The following RTRAF variants were observed in gnomAD, a reference collection of about 807,000 sequenced individuals.
The protein encoded by RTRAF is tRNA-splicing ligase complex subunit RTRAF.
A neutral mutation model predicts 34.4 loss-of-function variants in RTRAF; 14 were observed. The observed-to-expected ratio is 0.41, with a 90% CI of 0.27 to 0.64. The LOEUF (loss-of-function observed/expected upper bound fraction) is 0.64, where lower values mean the gene tolerates loss of function less well. Ranked by LOEUF, RTRAF falls within the 30% of genes least tolerant of loss-of-function variation. The pLI, the probability that RTRAF is intolerant of heterozygous loss-of-function variation, is 0.34. For synonymous variants in RTRAF, 96 were observed against 95.3 expected, an observed-to-expected ratio of 1.01 and a Z score of -0.04; for missense variants, 291 against 288.4, an observed-to-expected ratio of 1.01 and a Z score of -0.06.
Position 52,005,665 on chromosome 14 carries a change from G to A in RTRAF, c.*1149G>A. 1.4e-6 allele frequency: 2 copies of A among 1,393,930 alleles called. No individual in the cohort carries two copies. Among genetic ancestry groups the A allele is most frequent in the African/African-American group, 1.4e-5 (1 of 70,698 alleles). The allele number at this position is 1,393,930 out of a possible 1,614,324, so 86.3% of individuals were successfully genotyped here. The stretch of plus-strand genomic sequence containing the variant: ...GGTGGCAGTGTCACAGGCAGCAGGG[G>A]TAATCAAATACCATATATATCCCTT... On this transcript the variant is annotated 3_prime_UTR_variant, in exon 8 of 8. Transcript: ENST00000261700.
rs745695416 is a variant in RTRAF at position 52,005,733 on chromosome 14, T to C, written c.*1217T>C. 52 of 1,608,010 alleles carry C rather than the reference T, an allele frequency of 3.2e-5. No homozygotes were observed. The highest frequency in any genetic ancestry group is 4.3e-5 in the Non-Finnish European group (50 of 1,174,560). On this transcript the variant is annotated 3_prime_UTR_variant, in exon 8 of 8. Coordinates refer to ENST00000261700, the MANE Select transcript of RTRAF (RefSeq NM_016039.3). ...AAAGGAGCATCCTAAAGCATACTTT[T>C]TACCTGTTGGGCAGTAGGGGTAGAC...
chr14:51,999,689 T>C lies in RTRAF; in HGVS notation c.374-19T>C. 6.4e-7 allele frequency: 1 copy of C among 1,559,380 alleles called. No individual in the cohort carries two copies. The highest frequency in any genetic ancestry group is 8.8e-7 in the Non-Finnish European group (1 of 1,136,116). On this transcript the variant is annotated intron_variant, in intron 4 of 7. Transcript: ENST00000261700. ...GTTTGCAGGGTTGTAAGTTTTTGTT[T>C]GTTTTTAATCTTTTATAGTAAATAA... is the stretch of plus-strand genomic sequence containing the variant.
Position 52,006,440 on chromosome 14 carries a change from A to T in RTRAF, c.*1924A>T. ...ATGAAACAAAAGCCTCAGAGGGCTT[A>T]ATGAGTCAAGTCAGGTACTGACTTT... On this transcript the variant is annotated 3_prime_UTR_variant, in exon 8 of 8. Coordinates refer to ENST00000261700, the MANE Select transcript of RTRAF (RefSeq NM_016039.3). 7.1e-7 allele frequency: 1 copy of T among 1,416,842 alleles called. No homozygotes were observed. The allele number at this position is 1,416,842 out of a possible 1,614,324, so 87.8% of individuals were successfully genotyped here. A position where few individuals can be genotyped will look rare whatever the true frequency, so the allele number is the denominator to read the frequency against.
rs745422828 is a variant in RTRAF at position 52,008,004 on chromosome 14, A to C, written c.*3488A>C. 1 of 1,560,756 alleles carries C rather than the reference A, an allele frequency of 6.4e-7. No homozygotes were observed. The highest frequency in any genetic ancestry group is 8.7e-7 in the Non-Finnish European group (1 of 1,148,850). ...AAATCAAGATTGTAAAAGAATAGCC[A>C]TGTAGCCTGTGGTAGGCAGCATCTA... On this transcript the variant is annotated 3_prime_UTR_variant, in exon 8 of 8. Transcript: ENST00000261700.
In RTRAF at chr14:52,004,423, G is replaced by C; in HGVS notation, c.642G>C (p.Glu214Asp). The C allele has an allele frequency of 6.2e-7, 1 of 1,613,990 alleles. No homozygotes were observed. Among genetic ancestry groups the C allele is most frequent in the South Asian group, 1.1e-5 (1 of 91,076 alleles). The change falls in exon 8 of 8, where the codon GAG becomes GAC. Residue 214 changes from glutamate (E) to aspartate (D), a missense_variant. Coordinates refer to ENST00000261700, the MANE Select transcript of RTRAF (RefSeq NM_016039.3). ...LRLLHIEELR[E>D]LQTKINEAIV... ...TGCTGCACATAGAGGAGCTCAGAGA[G>C]CTACAGACAAAAATCAACGAAGCCA...
At chr14:51,990,677 CTG>C (rs889576070) in intron 1 of RTRAF, among the ~76,000 whole-genome samples, 1 of 152,188 alleles carries the variant, frequency 6.6e-6, no homozygotes, top group Non-Finnish European at 1.5e-5. Context: ...ATGTTCTTAT[CTG>C]TAAAATGGGA....
chr14:52,007,075 G>A lies in RTRAF; in HGVS notation c.*2559G>A. ...TTTTTAAAATATTTTCTAGGTAGGA[G>A]GAAAAAAGTGACTAAAATGGTAACA... On this transcript the variant is annotated 3_prime_UTR_variant, in exon 8 of 8. Coordinates refer to ENST00000261700, the MANE Select transcript of RTRAF (RefSeq NM_016039.3). 6.4e-6 allele frequency: 1 copy of A among 155,240 alleles called. No homozygotes were observed. Among genetic ancestry groups the A allele is most frequent in the Non-Finnish European group, 1.4e-5 (1 of 69,874 alleles). The allele number at this position is 155,240 out of a possible 1,614,324, so 9.6% of individuals were successfully genotyped here.
Position 52,005,358 on chromosome 14 carries a change from G to A in RTRAF, c.*842G>A. On this transcript the variant is annotated 3_prime_UTR_variant, in exon 8 of 8. Coordinates refer to ENST00000261700, the MANE Select transcript of RTRAF (RefSeq NM_016039.3). ...CAAAAGTCTTTTTGCACTACAAAAT[G>A]TTCATCTTGGATGCTCAGGAACGTC... 1 of 821,044 alleles carries A rather than the reference G, an allele frequency of 1.2e-6. No homozygotes were observed. Among genetic ancestry groups the A allele is most frequent in the African/African-American group, 1.7e-5 (1 of 58,158 alleles). 50.9% of individuals were successfully genotyped at this position (821,044 alleles called of 1,614,324 possible).
At chr14:51,998,810 G>GCTTCT in intron 4 of RTRAF, among the ~76,000 whole-genome samples, 1 of 151,786 alleles carries the variant, frequency 6.6e-6, no homozygotes, top group Non-Finnish European at 1.5e-5. Context: ...TAGTAATTTG[G>GCTTCT]AGTTTTGATT....
At position 52,010,489 on chromosome 14, in the gene RTRAF, G is replaced by A. The variant is rs544804029; in HGVS notation, c.*5973G>A. On this transcript the variant is annotated 3_prime_UTR_variant, in exon 8 of 8. Coordinates refer to ENST00000261700, the MANE Select transcript of RTRAF (RefSeq NM_016039.3). The stretch of plus-strand genomic sequence containing the variant: ...GATGTAGGTCAGCCCTACTGTGAGC[G>A]TCAACCCTGGTTTCTAAATGTGCTG... 3.1e-4 allele frequency: 54 copies of A among 172,470 alleles called. 1 individual carries two copies. In the South Asian group the frequency reaches 3.6e-3, roughly 12 times the overall value. 10.7% of individuals were successfully genotyped at this position (172,470 alleles called of 1,614,324 possible).
intron 6 of RTRAF, 55 bp from the exon 7 acceptor site, chr14:52,004,139 A>C: frequency 1.4e-6 from 2 of 1,466,150 alleles, no homozygotes; most frequent in South Asian, 2.4e-5. Flanking sequence ...TCAGTTGAGG[A>C]AAGGATGCTA....
chr14:52,005,825 T>C lies in RTRAF; in HGVS notation c.*1309T>C. 1 of 1,612,772 alleles carries C rather than the reference T, an allele frequency of 6.2e-7. No individual in the cohort carries two copies. On this transcript the variant is annotated 3_prime_UTR_variant, in exon 8 of 8. Coordinates refer to ENST00000261700, the MANE Select transcript of RTRAF (RefSeq NM_016039.3). ...ACTCATCAGTAAACTGGCCACTATGTTTATTTACTGATACAACACCATCCC... is the reference window on the plus strand; with the variant it reads ...ACTCATCAGTAAACTGGCCACTATGCTTATTTACTGATACAACACCATCCC...
intron 3 of RTRAF, among the ~76,000 whole-genome samples, chr14:51,994,615 A>G (rs1890488832): frequency 6.6e-6 from 1 of 152,154 alleles, no homozygotes. Context: ...TCTGTTCTTA[A>G]CTGCATGGCC....
At position 52,006,747 on chromosome 14, in the gene RTRAF, T is replaced by C. The variant is rs1890800699; in HGVS notation, c.*2231T>C. ...TAGTGATAGTGACACAGTGATAGAA[T>C]GGGGAAATAGGATATTTTACTTCCA... On this transcript the variant is annotated 3_prime_UTR_variant, in exon 8 of 8. Transcript: ENST00000261700. 1 of 1,410,886 alleles carries C rather than the reference T, an allele frequency of 7.1e-7. No homozygotes were observed. Among genetic ancestry groups the C allele is most frequent in the Non-Finnish European group, 9.9e-7 (1 of 1,013,642 alleles). 87.4% of individuals were successfully genotyped at this position (1,410,886 alleles called of 1,614,324 possible).
Position 52,006,712 on chromosome 14 carries a change from GATAGTGAC to G in RTRAF, c.*2204_*2211del, listed in dbSNP as rs752752416. Reference sequence around the variant, plus strand: ...GTCCTTCAGCTGCTTTGCCAAAAATGATAGTGACATAGTGATAGTGACACAGTGATAGA... The same window carrying G: ...GTCCTTCAGCTGCTTTGCCAAAAATGATAGTGATAGTGACACAGTGATAGA... On this transcript the variant is annotated 3_prime_UTR_variant, in exon 8 of 8. Transcript: ENST00000261700. 1 of 1,599,900 alleles carries G rather than the reference GATAGTGAC, an allele frequency of 6.3e-7. No homozygotes were observed. The highest frequency in any genetic ancestry group is 8.6e-7 in the Non-Finnish European group (1 of 1,168,844).
intron 3 of RTRAF, among the ~76,000 whole-genome samples, chr14:51,996,350 G>C (rs897799813): frequency 4.6e-4 from 70 of 151,912 alleles, no homozygotes; most frequent in African/African-American, 1.6e-3. Flanking sequence ...GTTCTTTTGT[G>C]GTTTTACATT....
rs201207693 is a variant in RTRAF, at chr14:52,005,761, C to T, written c.*1245C>T. 112 of 1,613,584 alleles carry T rather than the reference C, an allele frequency of 6.9e-5. No individual in the cohort carries two copies. The highest frequency in any genetic ancestry group is 9.1e-5 in the Non-Finnish European group (107 of 1,179,648). On this transcript the variant is annotated 3_prime_UTR_variant, in exon 8 of 8. Transcript: ENST00000261700. ...CCTGTTGGGCAGTAGGGGTAGACTGCAGTTATCCCGTAGAGGTGAGATCGT... is the reference window on the plus strand; with the variant it reads ...CCTGTTGGGCAGTAGGGGTAGACTGTAGTTATCCCGTAGAGGTGAGATCGT...
Position 51,991,421 on chromosome 14 carries a change from T to C in RTRAF, c.166T>C (p.Trp56Arg). 6.2e-7 allele frequency: 1 copy of C among 1,613,028 alleles called. No individual in the cohort carries two copies. The highest frequency in any genetic ancestry group is 8.5e-7 in the Non-Finnish European group (1 of 1,179,468). The change falls in exon 2 of 8, where the codon TGG (tryptophan) becomes CGG (arginine). Residue 56 changes from tryptophan (W) to arginine (R), a missense_variant. Coordinates refer to ENST00000261700, the MANE Select transcript of RTRAF (RefSeq NM_016039.3). ...GNLRNIHSSD[W>R]PKFFEKYLRD... is the part of the protein sequence containing the mutation. ...TTTAAGAAACATCCACAGCAGCGACTGGCCCAAGTTCTTTGAAAAGGTAAT... is the reference window on the plus strand; with the variant it reads ...TTTAAGAAACATCCACAGCAGCGACCGGCCCAAGTTCTTTGAAAAGGTAAT...
intron 3 of RTRAF, among the ~76,000 whole-genome samples, chr14:51,995,695 A>G (rs1259450859): frequency 1.3e-5 from 2 of 152,130 alleles, no homozygotes; most frequent in African/African-American, 4.8e-5. Flanking sequence ...ACATACACTG[A>G]TTTGGAGCAT....
Sources: gnomAD v4.1 joint callset for allele counts (sites outside exome capture counted in the v4.1 genomes callset) on GRCh38, gnomAD v4.1.1 for gene constraint, MANE v1.5 for transcripts, NCBI Gene and HGNC (gene_info 2026-07-23, HGNC 2026-07-21) for gene names.